GPC5: variants seen among roughly 807,000 people sequenced by gnomAD.
GPC5 encodes glypican 5, also known as glypican-5.
A neutral mutation model predicts 53.9 loss-of-function variants in GPC5; 47 were observed. The observed-to-expected ratio is 0.87, with a 90% confidence interval of 0.69 to 1.11. The LOEUF (loss-of-function observed/expected upper bound fraction) is 1.11. Ranked by LOEUF, GPC5 falls within the 50% of genes most tolerant of loss-of-function variation. The pLI, the probability that GPC5 is intolerant of heterozygous loss-of-function variation, is 0.00. For synonymous variants in GPC5, 286 were observed against 263.3 expected (o/e 1.09, Z -0.84); for missense variants, 748 against 713.1 (o/e 1.05, Z -0.56).
chr13:92,479,824 A>G (rs9561067), intron 7 of GPC5, among the ~76,000 whole-genome samples: 28,031 of 152,204 alleles, frequency 0.18, 2,671 homozygotes, highest in Middle Eastern at 0.32. Context: ...GAGAAAATCT[A>G]ATTGTAAAAA....
intron 5 of GPC5, among the ~76,000 whole-genome samples, chr13:91,849,527 C>T (rs193001758): frequency 1.3e-5 from 2 of 152,096 alleles, no homozygotes; most frequent in East Asian, 3.9e-4. Context: ...CAATAAATAA[C>T]ATTATTAAAG....
At chr13:92,416,163 C>A (rs2139355895) in intron 7 of GPC5, among the ~76,000 whole-genome samples, 1 of 152,290 alleles carries the variant, frequency 6.6e-6, no homozygotes, top group African/African-American at 2.4e-5. Flanking sequence ...AATAAAATGG[C>A]ATTGTATCCT....
chr13:92,631,556 A>G (rs1279343592), intron 7 of GPC5, among the ~76,000 whole-genome samples: 2 of 152,154 alleles, frequency 1.3e-5, no homozygotes, highest in East Asian at 1.9e-4. Context: ...CTGTACATCA[A>G]AGGAGGGGGA....
In GPC5 at chr13:92,284,671, G is replaced by A. The variant is rs574135727; in HGVS notation, c.1561+139682G>A. Among the ~76,000 whole-genome samples, 6 of 152,198 alleles carry A rather than the reference G, an allele frequency of 3.9e-5. No individual in the cohort carries two copies. In the South Asian group the frequency reaches 1.2e-3, roughly 32 times the overall value. On this transcript the variant is annotated intron_variant, in intron 7 of 7. Transcript: ENST00000377067. ...GATTATCTCAATAGATGCAGAAAAC[G>A]CCTCTGACAAAATTCAACAGCCCTT...
At chr13:92,033,606 T>C (rs2040870565) in intron 6 of GPC5, among the ~76,000 whole-genome samples, 1 of 152,228 alleles carries the variant, frequency 6.6e-6, no homozygotes, top group African/African-American at 2.4e-5. Flanking sequence ...ATCTTTTAAA[T>C]ATGTAAGACG....
intron 1 of GPC5, among the ~76,000 whole-genome samples, chr13:91,435,196 T>C (rs1383418770): frequency 1.3e-5 from 2 of 152,230 alleles, no homozygotes; most frequent in African/African-American, 4.8e-5. Flanking sequence ...TCCTGCCTGA[T>C]TGCCCTGGCC....
At chr13:92,755,324 A>C (rs558296007) in intron 7 of GPC5, among the ~76,000 whole-genome samples, 139 of 141,746 alleles carry the variant, frequency 9.8e-4, no homozygotes, top group African/African-American at 3.4e-3. Context: ...GGACGCATTC[A>C]AAGCAGTGTG....
intron 5 of GPC5, among the ~76,000 whole-genome samples, chr13:91,788,757 G>A (rs1325425602): frequency 6.6e-6 from 1 of 152,106 alleles, no homozygotes; most frequent in Non-Finnish European, 1.5e-5. Context: ...AGAGGTGGCT[G>A]GGCCTTGTTT....
At chr13:91,432,203 CTGTGTGTGTGTGTGTGTGTG>C (rs757953581) in intron 1 of GPC5, among the ~76,000 whole-genome samples, 2 of 136,354 alleles carry the variant, frequency 1.5e-5, no homozygotes, top group African/African-American at 5.6e-5. Flanking sequence ...GCTGCTGCTG[CTGTGTGTGTGTGTGTGTGTG>C]TGTGTGTGTG....
At chr13:91,619,903 T>G (rs956796704) in intron 2 of GPC5, among the ~76,000 whole-genome samples, 1 of 152,134 alleles carries the variant, frequency 6.6e-6, no homozygotes, top group Non-Finnish European at 1.5e-5. Context: ...ATTTATTTCT[T>G]TGTTCAATTT....
intron 1 of GPC5, among the ~76,000 whole-genome samples, chr13:91,422,028 C>CTTTCTGATGATG (rs1444048174): frequency 6.6e-6 from 1 of 152,148 alleles, no homozygotes; most frequent in South Asian, 2.1e-4. Flanking sequence ...CGTCCAGCAC[C>CTTTCTGATGATG]TTTCTGATGA....
intron 7 of GPC5, among the ~76,000 whole-genome samples, chr13:92,695,211 C>T (rs1417289398): frequency 6.6e-6 from 1 of 152,078 alleles, no homozygotes; most frequent in Non-Finnish European, 1.5e-5. Flanking sequence ...TTGTTGGCCA[C>T]TTGTATGTCT....
chr13:92,380,153 A>G (rs577828948), intron 7 of GPC5, among the ~76,000 whole-genome samples: 2 of 152,318 alleles, frequency 1.3e-5, no homozygotes, highest in South Asian at 4.1e-4. Context: ...AGAATTAGCA[A>G]GGCTACTGCA....
intron 2 of GPC5, among the ~76,000 whole-genome samples, chr13:91,626,267 T>G (rs1047328256): frequency 7.2e-5 from 11 of 152,154 alleles, no homozygotes; most frequent in Non-Finnish European, 1.2e-4. Flanking sequence ...CAGCTTGACA[T>G]ATAAAGTCAA....
chr13:92,547,003 A>G lies in GPC5; in HGVS notation c.1562-319279A>G, dbSNP rs540579081. On this transcript the variant is annotated intron_variant, in intron 7 of 7. Coordinates refer to ENST00000377067, the MANE Select transcript of GPC5 (RefSeq NM_004466.6). ...AAACTGGATCCCTTCCTTACACCTT[A>G]TACAAAAATTAATTCTAGATGGATT... 4.8e-3 allele frequency among the ~76,000 whole-genome samples: 725 copies of G among 152,346 alleles called. 7 individuals carry two copies. The highest frequency in any genetic ancestry group is 0.016 in the African/African-American group (664 of 41,584).
At chr13:92,606,213 T>A (rs1443878233) in intron 7 of GPC5, among the ~76,000 whole-genome samples, 2 of 152,028 alleles carry the variant, frequency 1.3e-5, no homozygotes, top group African/African-American at 2.4e-5. Context: ...CATTAGGTAT[T>A]TCTCCTAATG....
chr13:92,160,324 G>A (rs913709481), intron 7 of GPC5, among the ~76,000 whole-genome samples: 8 of 152,138 alleles, frequency 5.3e-5, no homozygotes, highest in Non-Finnish European at 8.8e-5. Context: ...TATAGCTGTT[G>A]TTAACTGTGT....
Position 91,417,492 on chromosome 13 carries a change from T to C in GPC5, c.163+18283T>C, listed in dbSNP as rs558403438. On this transcript the variant is annotated intron_variant, in intron 1 of 7. Transcript: ENST00000377067. Reference sequence around the variant, plus strand: ...GCAGAAGCTTTGCAGGCAGAATATGTGTGCTGCAACCATGGGTGCATTTGA... The same window carrying C: ...GCAGAAGCTTTGCAGGCAGAATATGCGTGCTGCAACCATGGGTGCATTTGA... Among the ~76,000 whole-genome samples the C allele has an allele frequency of 1.2e-3, 178 of 152,244 alleles. 1 individual carries two copies. The highest frequency in any genetic ancestry group is 4.1e-3 in the African/African-American group (169 of 41,530).
rs1473688198 is a variant in GPC5, at chr13:91,924,608, G to A, written c.1401+16551G>A. On this transcript the variant is annotated intron_variant, in intron 6 of 7. Coordinates refer to ENST00000377067, the MANE Select transcript of GPC5 (RefSeq NM_004466.6). The stretch of plus-strand genomic sequence containing the variant: ...AGTAAAGCATTAGCTGGGCGTGGTG[G>A]TGGGCACCTGTAGTCCTAGCTACTC... Among the ~76,000 whole-genome samples the A allele has an allele frequency of 1.4e-4, 21 of 152,036 alleles. No individual in the cohort carries two copies. In the East Asian group the frequency reaches 4.1e-3, roughly 30 times the overall value.
Sources: gnomAD v4.1 joint callset for allele counts (sites outside exome capture counted in the v4.1 genomes callset) on GRCh38, gnomAD v4.1.1 for gene constraint, MANE v1.5 for transcripts, NCBI Gene and HGNC (gene_info 2026-07-23, HGNC 2026-07-21) for gene names.